GSG1L: variants seen among roughly 807,000 people sequenced by gnomAD.
GSG1L encodes the protein GSG1 like.
In GSG1L, 24 loss-of-function variants were observed where a neutral mutation model predicts 42.1. The ratio of observed to expected loss-of-function variants is 0.57; its 90% CI spans 0.41 to 0.80. The LOEUF is 0.80. Among genes scored for constraint, GSG1L ranks in the 30% least tolerant of loss-of-function variants. GSG1L has a pLI of 0.00. For missense variants in GSG1L, 445 were observed against 472.2 expected (o/e 0.94, Z 0.53); for synonymous variants, 215 against 203.5 (o/e 1.06, Z -0.48).
At chr16:27,971,565 A>G (rs1200121243) in intron 1 of GSG1L, among the ~76,000 whole-genome samples, 1 of 152,196 alleles carries the variant, frequency 6.6e-6, no homozygotes, top group Non-Finnish European at 1.5e-5. Context: ...AACTTGCTAT[A>G]TACAGACTCA....
At chr16:28,007,583 G>T (rs2085658889) in intron 1 of GSG1L, among the ~76,000 whole-genome samples, 1 of 152,044 alleles carries the variant, frequency 6.6e-6, no homozygotes, top group African/African-American at 2.4e-5. Context: ...TGCCATCACA[G>T]GTCACTGCCA....
At chr16:27,935,108 G>A (rs944104642) in intron 2 of GSG1L, among the ~76,000 whole-genome samples, 16 of 152,230 alleles carry the variant, frequency 1.1e-4, no homozygotes, top group Non-Finnish European at 2.2e-4. Flanking sequence ...GTCCAGGGAG[G>A]TTTCTCCAAG....
rs1278394926 is a variant in GSG1L at position 27,888,438 on chromosome 16, TTC to T, written c.398-3802_398-3801del. On this transcript the variant is annotated intron_variant, in intron 2 of 6. Transcript: ENST00000447459. ...TTTCTTTCTTTCTTTCTTTCTTTCT[TTC>T]TTTCTTTCTTTCTTTCTTTCTTTCT... Among the ~76,000 whole-genome samples the T allele has an allele frequency of 1.5e-4, 4 of 27,230 alleles. 1 individual carries two copies. The highest frequency in any genetic ancestry group is 3.7e-3 in the South Asian group (1 of 268). The allele number at this position is 27,230 out of a possible 152,430, so 17.9% of individuals were successfully genotyped here.
At chr16:28,019,196 G>A (rs1444915176) in intron 1 of GSG1L, among the ~76,000 whole-genome samples, 1 of 152,164 alleles carries the variant, frequency 6.6e-6, no homozygotes, top group Non-Finnish European at 1.5e-5. Flanking sequence ...CAAGATATCA[G>A]CACAAGATAC....
intron 3 of GSG1L, among the ~76,000 whole-genome samples, chr16:27,860,156 G>T (rs1236591287): frequency 2.6e-5 from 4 of 152,224 alleles, no homozygotes; most frequent in African/African-American, 9.7e-5. Flanking sequence ...GGCTCCAGAG[G>T]AAGGGGTGGC....
At chr16:27,904,711 C>G (rs1385467770) in intron 2 of GSG1L, among the ~76,000 whole-genome samples, 2 of 152,148 alleles carry the variant, frequency 1.3e-5, no homozygotes, top group Admixed American at 1.3e-4. Context: ...TCATTCCCAC[C>G]CCAGGGCCTT....
At chr16:28,032,570 C>T (rs1183104559) in intron 1 of GSG1L, among the ~76,000 whole-genome samples, 1 of 152,340 alleles carries the variant, frequency 6.6e-6, no homozygotes, top group Non-Finnish European at 1.5e-5. Flanking sequence ...GTCTACTTGA[C>T]ATTGCCTCTG....
chr16:27,932,584 T>G (rs2084668897), intron 2 of GSG1L, among the ~76,000 whole-genome samples: 1 of 152,052 alleles, frequency 6.6e-6, no homozygotes, highest in South Asian at 2.1e-4. Context: ...GTGGGGATGG[T>G]GTTAAACCAT....
At chr16:27,876,417 T>A (rs1366092877) in intron 3 of GSG1L, among the ~76,000 whole-genome samples, 1 of 152,094 alleles carries the variant, frequency 6.6e-6, no homozygotes, top group East Asian at 1.9e-4. Context: ...GGGGAAGGTG[T>A]CATGATTGAA....
intron 1 of GSG1L, among the ~76,000 whole-genome samples, chr16:28,006,089 A>G (rs2085634097): frequency 6.6e-6 from 1 of 151,966 alleles, no homozygotes; most frequent in Non-Finnish European, 1.5e-5. Context: ...GAAGATGGAG[A>G]AGACGGGGTG....
chr16:27,820,561 G>A (rs751067503), intron 5 of GSG1L, among the ~76,000 whole-genome samples: 36 of 152,150 alleles, frequency 2.4e-4, no homozygotes, highest in Non-Finnish European at 2.5e-4. Context: ...TGGGGCATGC[G>A]GTTGACGTGC....
intron 5 of GSG1L, among the ~76,000 whole-genome samples, chr16:27,821,780 T>C (rs1472252588): frequency 6.6e-6 from 1 of 152,010 alleles, no homozygotes; most frequent in African/African-American, 2.4e-5. Context: ...GGCGGGCACC[T>C]GTAGTCCCAG....
chr16:27,828,881 A>G lies in GSG1L; in HGVS notation c.738T>C (p.Ile246=). 6 of 1,614,094 alleles carry G rather than the reference A, an allele frequency of 3.7e-6. No homozygotes were observed. Among genetic ancestry groups the G allele is most frequent in the Non-Finnish European group, 4.2e-6 (5 of 1,180,010 alleles). Residue 246 remains isoleucine (I), a synonymous_variant, in exon 5 of 7, where the codon ATT becomes ATC. Coordinates refer to ENST00000447459, the MANE Select transcript of GSG1L (RefSeq NM_001109763.2). ...TTLNSYTKTV[I]EFRHKRKVFE... ...AGACCTTGCGCTTGTGCCGGAACTC[A>G]ATGACCGTCTTGGTGTAGGAGTTGA...
At chr16:27,794,767 C>T (rs980175565) in intron 6 of GSG1L, among the ~76,000 whole-genome samples, 8 of 152,166 alleles carry the variant, frequency 5.3e-5, no homozygotes, top group African/African-American at 1.9e-4. Flanking sequence ...ACTCAGCCCA[C>T]GAGAGGCAGA....
intron 5 of GSG1L, among the ~76,000 whole-genome samples, chr16:27,808,820 G>T (rs1273521883): frequency 6.6e-6 from 1 of 152,204 alleles, no homozygotes; most frequent in African/African-American, 2.4e-5. Context: ...GGGTTGTGGT[G>T]GTCCCAGAGC....
chr16:27,803,289 G>C (rs1186083494), intron 6 of GSG1L, among the ~76,000 whole-genome samples: 1 of 152,024 alleles, frequency 6.6e-6, no homozygotes, highest in African/African-American at 2.4e-5. Flanking sequence ...CATGCCCCGA[G>C]CCATTACCTC....
At chr16:27,842,594 A>G (rs985829605) in intron 4 of GSG1L, among the ~76,000 whole-genome samples, 6 of 151,990 alleles carry the variant, frequency 3.9e-5, no homozygotes, top group African/African-American at 1.4e-4. Context: ...AGGAAGGAAC[A>G]GCTGCAGGGG....
intron 1 of GSG1L, among the ~76,000 whole-genome samples, chr16:28,003,724 T>C (rs2085605942): frequency 6.6e-6 from 1 of 152,262 alleles, no homozygotes; most frequent in South Asian, 2.1e-4. Flanking sequence ...CTTCCCTGAT[T>C]TCCTCCATCC....
chr16:27,960,916 A>G (rs2085063160), intron 2 of GSG1L, among the ~76,000 whole-genome samples: 1 of 152,092 alleles, frequency 6.6e-6, no homozygotes, highest in Non-Finnish European at 1.5e-5. Flanking sequence ...GTAAAATCAC[A>G]AGGCCAGTAA....
Sources: allele counts gnomAD v4.1 joint callset (sites outside exome capture counted in the v4.1 genomes callset), GRCh38; gene constraint gnomAD v4.1.1; transcripts MANE v1.5; gene names NCBI Gene and HGNC (gene_info 2026-07-23, HGNC 2026-07-21).